Variants in CAMTA1 observed in about 807,000 individuals in gnomAD.
CAMTA1 encodes the protein calmodulin-binding transcription activator 1.
A neutral mutation model predicts 170.9 loss-of-function variants in CAMTA1; 27 were observed. That is an observed-to-expected ratio of 0.16 (90% CI 0.12 to 0.22). CAMTA1 has a LOEUF of 0.22. Among genes scored for constraint, CAMTA1 ranks in the 10% least tolerant of loss-of-function variants. CAMTA1 has a pLI of 1.00. For missense variants in CAMTA1, 1,619 were observed against 2,217.2 expected (o/e 0.73, Z 5.42); for synonymous variants, 833 against 891.5 (o/e 0.93, Z 1.17).
At chr1:7,150,977 A>G (rs1302713701) in intron 4 of CAMTA1, among the ~76,000 whole-genome samples, 1 of 152,198 alleles carries the variant, frequency 6.6e-6, no homozygotes, top group African/African-American at 2.4e-5. Flanking sequence ...AGCTGCCTGC[A>G]TTTGTTTACA....
chr1:7,710,896 T>C (rs2096565700), intron 11 of CAMTA1, among the ~76,000 whole-genome samples: 1 of 152,152 alleles, frequency 6.6e-6, no homozygotes, highest in African/African-American at 2.4e-5. Context: ...TCATCTCTTA[T>C]TGGCCCATCT....
rs1464877538 is a variant in CAMTA1 at position 7,768,990 on chromosome 1, C to CT, written c.*2502dup. 2.0e-5 allele frequency: 3 copies of CT among 147,892 alleles called. No homozygotes were observed. The highest frequency in any genetic ancestry group is 4.5e-5 in the Non-Finnish European group (3 of 66,272). The allele number at this position is 147,892 out of a possible 1,614,324, so 9.2% of individuals were successfully genotyped here. ...CAGAGTAATGACCTCAGTGGATTTGCTTTAACCCTCACATTTTTTTTTTAA... is the reference window on the plus strand; with the variant it reads ...CAGAGTAATGACCTCAGTGGATTTGCTTTTAACCCTCACATTTTTTTTTTAA... On this transcript the variant is annotated 3_prime_UTR_variant, in exon 23 of 23. Coordinates refer to ENST00000303635, the MANE Select transcript of CAMTA1 (RefSeq NM_015215.4).
chr1:7,557,865 T>G (rs1458200757), intron 6 of CAMTA1, among the ~76,000 whole-genome samples: 1 of 152,136 alleles, frequency 6.6e-6, no homozygotes. Flanking sequence ...TGGGAGCATC[T>G]GAGTGGAGGA....
At position 7,208,698 on chromosome 1, in the gene CAMTA1, C is replaced by T. The variant is rs558596446; in HGVS notation, c.303-40793C>T. On this transcript the variant is annotated intron_variant, in intron 4 of 22. Coordinates refer to ENST00000303635, the MANE Select transcript of CAMTA1 (RefSeq NM_015215.4). ...TTGTTTCCTAGAACCATAGCTGAGC[C>T]TTGAAGAGTGGGAAGGCTTTAGACA... is the stretch of plus-strand genomic sequence containing the variant. 5.3e-5 allele frequency among the ~76,000 whole-genome samples: 8 copies of T among 152,314 alleles called. No individual in the cohort carries two copies. In the South Asian group the frequency reaches 1.7e-3, roughly 32 times the overall value.
intron 5 of CAMTA1, among the ~76,000 whole-genome samples, chr1:7,405,014 A>G (rs1438339056): frequency 6.6e-6 from 1 of 152,034 alleles, no homozygotes; most frequent in Non-Finnish European, 1.5e-5. Context: ...TATCATTACA[A>G]TAGAGGTGAC....
Position 7,641,579 on chromosome 1 carries a change from G to A in CAMTA1, c.664+1026G>A, listed in dbSNP as rs147525155. Among the ~76,000 whole-genome samples the A allele has an allele frequency of 0.014, 2,140 of 152,280 alleles. 60 individuals are homozygous for A. The highest frequency in any genetic ancestry group is 0.065 in the Admixed American group (995 of 15,302). ...AATCCTGAGAGTCCCCTGGGTGCTC[G>A]GATTTAGGGATCTGCTCCCAGCCTC... is the stretch of plus-strand genomic sequence containing the variant. On this transcript the variant is annotated intron_variant, in intron 7 of 22. Transcript: ENST00000303635. The surrounding 1 kb of genome is among the most constrained non-coding windows in gnomAD (Gnocchi z 4.5).
At chr1:7,454,071 G>A (rs1348646808) in intron 5 of CAMTA1, among the ~76,000 whole-genome samples, 2 of 152,268 alleles carry the variant, frequency 1.3e-5, no homozygotes, top group Non-Finnish European at 2.9e-5. Context: ...GGATCCCAGA[G>A]CTTATGTCCC....
At chr1:7,648,733 A>G (rs1476410040) in intron 7 of CAMTA1, among the ~76,000 whole-genome samples, 1 of 152,180 alleles carries the variant, frequency 6.6e-6, no homozygotes, top group Non-Finnish European at 1.5e-5. Context: ...AGCAGAGACA[A>G]TGGTTCCCCC....
intron 5 of CAMTA1, among the ~76,000 whole-genome samples, chr1:7,257,554 G>C (rs1014463296): frequency 2.2e-5 from 3 of 134,236 alleles, no homozygotes; most frequent in South Asian, 2.5e-4. Flanking sequence ...GAGCTTCCAC[G>C]GCACACCCAC....
In CAMTA1 at chr1:7,656,370, C is replaced by G. The variant is rs115662460; in HGVS notation, c.665-5356C>G. Reference sequence around the variant, plus strand: ...TCTCACTGCTTCCTCATATAACCATCTATCTAGGCATAGGCACTCCTGGTG... The same window carrying G: ...TCTCACTGCTTCCTCATATAACCATGTATCTAGGCATAGGCACTCCTGGTG... On this transcript the variant is annotated intron_variant, in intron 7 of 22. Coordinates refer to ENST00000303635, the MANE Select transcript of CAMTA1 (RefSeq NM_015215.4). 1.1e-3 allele frequency among the ~76,000 whole-genome samples: 168 copies of G among 152,360 alleles called. 1 individual carries two copies. Among genetic ancestry groups the G allele is most frequent in the African/African-American group, 3.9e-3 (163 of 41,578 alleles).
chr1:6,817,949 A>T (rs1417451716), intron 1 of CAMTA1, among the ~76,000 whole-genome samples: 1 of 152,228 alleles, frequency 6.6e-6, no homozygotes, highest in East Asian at 1.9e-4. Context: ...GGACCCTGAA[A>T]ACAATTTGAC....
intron 6 of CAMTA1, among the ~76,000 whole-genome samples, chr1:7,621,884 C>G (rs1048143857): frequency 2.0e-5 from 3 of 152,180 alleles, no homozygotes; most frequent in African/African-American, 4.8e-5. Context: ...TCAGCTCGGC[C>G]ACGTCTCGGC....
chr1:6,908,786 C>T (rs1028387049), intron 3 of CAMTA1, among the ~76,000 whole-genome samples: 1 of 152,220 alleles, frequency 6.6e-6, no homozygotes, highest in Non-Finnish European at 1.5e-5. Flanking sequence ...GGCTTCGCCT[C>T]CCCTGCAGCT....
chr1:6,878,025 C>T lies in CAMTA1; in HGVS notation c.234+52815C>T, dbSNP rs74429594. ...ATTAGGAACAGGAGCTGATAGACTGCACGTATCTGTGCAGAGATATATCTG... is the reference window on the plus strand; with the variant it reads ...ATTAGGAACAGGAGCTGATAGACTGTACGTATCTGTGCAGAGATATATCTG... On this transcript the variant is annotated intron_variant, in intron 3 of 22. Transcript: ENST00000303635. 7.8e-3 allele frequency among the ~76,000 whole-genome samples: 1,191 copies of T among 152,328 alleles called. 7 individuals carry two copies. The highest frequency in any genetic ancestry group is 0.011 in the Non-Finnish European group (773 of 68,034).
chr1:7,765,708 G>A (rs2097016244), intron 22 of CAMTA1, among the ~76,000 whole-genome samples: 1 of 152,212 alleles, frequency 6.6e-6, no homozygotes, highest in Non-Finnish European at 1.5e-5. Flanking sequence ...GAACAAAGCA[G>A]TAGTAGCTTA....
At chr1:7,709,907 A>C (rs1013820687) in intron 11 of CAMTA1, among the ~76,000 whole-genome samples, 8 of 152,242 alleles carry the variant, frequency 5.3e-5, no homozygotes. Context: ...TTTGGTTTCC[A>C]TATGGGAGTG....
intron 3 of CAMTA1, among the ~76,000 whole-genome samples, chr1:6,996,780 A>G (rs976430373): frequency 2.6e-5 from 4 of 152,088 alleles, no homozygotes; most frequent in South Asian, 2.1e-4. Context: ...TCCAAATCCC[A>G]CCCATTTCTG....
intron 6 of CAMTA1, among the ~76,000 whole-genome samples, chr1:7,526,379 C>A (rs1450404743): frequency 6.6e-6 from 1 of 152,120 alleles, no homozygotes; most frequent in South Asian, 2.1e-4. Flanking sequence ...GTGGCTACTG[C>A]ACACCCCTGC....
chr1:7,217,951 T>C (rs59833900), intron 4 of CAMTA1, among the ~76,000 whole-genome samples: 25,800 of 152,200 alleles, frequency 0.17, 6,516 homozygotes, highest in African/African-American at 0.55. Context: ...AAAGAGTCCC[T>C]AGTCATCTCC....
Sources: allele counts gnomAD v4.1 joint callset (sites outside exome capture counted in the v4.1 genomes callset), GRCh38; gene constraint gnomAD v4.1.1; non-coding constraint Gnocchi (gnomAD v3.1); transcripts MANE v1.5; gene names NCBI Gene and HGNC (gene_info 2026-07-23, HGNC 2026-07-21).